BRIX1: variants seen among roughly 807,000 people sequenced by gnomAD.
The protein encoded by BRIX1 is ribosome biogenesis protein BRX1 homolog.
Under a neutral mutation model 44.0 loss-of-function variants are expected in BRIX1, and 15 were observed. That is an observed-to-expected ratio of 0.34 (90% CI 0.23 to 0.53). The LOEUF is 0.53. BRIX1 is among the 20% of genes least tolerant of loss of function. The pLI is 0.95. For missense variants in BRIX1, 420 were observed against 432.8 expected, an observed-to-expected ratio of 0.97 and a Z score of 0.26; for synonymous variants, 149 against 135.4, an observed-to-expected ratio of 1.10 and a Z score of -0.70.
At chr5:34,921,907 C>CAAAA (rs57343458) in intron 3 of BRIX1, 7 of 35,326 alleles carry the variant, frequency 2.0e-4, no homozygotes, top group Admixed American at 2.9e-4. Flanking sequence ...AACTGCATCG[C>CAAAA]AAAAAAAAAA....
In BRIX1 at chr5:34,923,058, A is replaced by G. The variant is rs760169078; in HGVS notation, c.561+7A>G. 2.6e-6 allele frequency: 4 copies of G among 1,559,168 alleles called. No individual in the cohort carries two copies. The South Asian group carries it at 3.4e-5, about 13-fold the overall frequency. ...AAAAGAACTCTTAATTCAGGTAAAT[A>G]TCTTTAAAATTAGCTATCCAAAATA... On this transcript the variant is annotated splice_region_variant and intron_variant, in intron 7 of 9. Coordinates refer to ENST00000336767, the MANE Select transcript of BRIX1 (RefSeq NM_018321.4).
At chr5:34,915,922 C>A in intron 1 of BRIX1, 25 bp downstream of exon 1, 2 of 1,515,154 alleles carry the variant, frequency 1.3e-6, no homozygotes, top group Non-Finnish European at 1.8e-6. Flanking sequence ...CCCCGGGCTA[C>A]ACCTGCGGCG....
Position 34,925,223 on chromosome 5 carries a change from T to TTTTTA in BRIX1, c.793-3_793-2insTTTTA. ...GCATCTAATCTTTTTTTTTTTTTTT[T>TTTTTA]AGCATCGGCGTGTCATAAGATCCAT... On this transcript the variant is annotated splice_region_variant and splice_polypyrimidine_tract_variant and intron_variant, in intron 9 of 9. Transcript: ENST00000336767. 1 of 1,522,540 alleles carries TTTTTA rather than the reference T, an allele frequency of 6.6e-7. No individual in the cohort carries two copies. Among genetic ancestry groups the TTTTTA allele is most frequent in the Non-Finnish European group, 8.8e-7 (1 of 1,137,684 alleles). 94.3% of individuals were successfully genotyped at this position (1,522,540 alleles called of 1,614,324 possible).
chr5:34,922,854 G>A (rs1764270436), intron 6 of BRIX1, 86 bp downstream of exon 6: 6 of 1,354,944 alleles, frequency 4.4e-6, no homozygotes, highest in Non-Finnish European at 6.3e-6. Flanking sequence ...ATTCAATTTA[G>A]TTTCACCCCC....
rs1764365834 is a variant in BRIX1 at position 34,925,789 on chromosome 5, T to C, written c.*294T>C. 7.2e-6 allele frequency: 2 copies of C among 275,924 alleles called. No homozygotes were observed. The highest frequency in any genetic ancestry group is 1.5e-4 in the East Asian group (2 of 13,324). The allele number at this position is 275,924 out of a possible 1,614,324, so 17.1% of individuals were successfully genotyped here. A position where few individuals can be genotyped will look rare whatever the true frequency, so the allele number is the denominator to read the frequency against. ...GTTTAGCAAAGCTGAAATTCAGACA[T>C]TTATTAGGTCATATTATTTGTAAAA... On this transcript the variant is annotated 3_prime_UTR_variant, in exon 10 of 10. Transcript: ENST00000336767.
chr5:34,918,203 G>A (rs939232818), intron 1 of BRIX1, 161 bp from the exon 2 acceptor site: 2 of 460,602 alleles, frequency 4.3e-6, no homozygotes, highest in Non-Finnish European at 7.9e-6. Context: ...TCCAGCTACT[G>A]TAGATGCTGG....
In BRIX1 at chr5:34,922,706, G is replaced by T; in HGVS notation, c.448G>T (p.Ala150Ser). 1 of 1,613,626 alleles carries T rather than the reference G, an allele frequency of 6.2e-7. No individual in the cohort carries two copies. The highest frequency in any genetic ancestry group is 8.5e-7 in the Non-Finnish European group (1 of 1,179,680). ...KFLVQNIHTL[A>S]ELKMTGNCLK... ...TGTAATTTTTCTAGTTCATACCCTCGCTGAACTGAAGATGACTGGAAACTG... is the reference window on the plus strand; with the variant it reads ...TGTAATTTTTCTAGTTCATACCCTCTCTGAACTGAAGATGACTGGAAACTG... The change falls in exon 6 of 10, where the codon GCT (alanine) becomes TCT (serine). Residue 150 changes from alanine (A) to serine (S), a missense_variant. Coordinates refer to ENST00000336767, the MANE Select transcript of BRIX1 (RefSeq NM_018321.4).
At chr5:34,923,807 A>C (rs567160865) in intron 8 of BRIX1, among the ~76,000 whole-genome samples, 1 of 152,168 alleles carries the variant, frequency 6.6e-6, no homozygotes, top group Non-Finnish European at 1.5e-5. Flanking sequence ...CCCTAAAGAG[A>C]TTGCTGCAAG....
rs1228342174 is a variant in BRIX1 at position 34,915,903 on chromosome 5, A to G, written c.159+6A>G. 8 of 1,547,688 alleles carry G rather than the reference A, an allele frequency of 5.2e-6. No homozygotes were observed. In the African/African-American group the frequency reaches 8.2e-5, roughly 16 times the overall value. On this transcript the variant is annotated splice_donor_region_variant and intron_variant, in intron 1 of 9. Transcript: ENST00000336767. Reference sequence around the variant, plus strand: ...TCCCAGGCCCCGTTTGCAAGGTAGGAGGGGATGTCCCCGGGCTACACCTGC... The same window carrying G: ...TCCCAGGCCCCGTTTGCAAGGTAGGGGGGGATGTCCCCGGGCTACACCTGC...
rs753522638 is a variant in BRIX1, at chr5:34,925,485, A to C, written c.1052A>C (p.Lys351Thr). Residue 351 changes from lysine to threonine, a missense_variant, in exon 10 of 10, where the codon AAA becomes ACA. Coordinates refer to ENST00000336767, the MANE Select transcript of BRIX1 (RefSeq NM_018321.4). ...RKMKQRMDSG[K>T]TK ...ATGAAACAGAGGATGGACAGTGGGA[A>C]AACAAAATAAGTCAATGGAAACCTG... 1 of 1,610,026 alleles carries C rather than the reference A, an allele frequency of 6.2e-7. No homozygotes were observed. Among genetic ancestry groups the C allele is most frequent in the South Asian group, 1.1e-5 (1 of 89,974 alleles).
At position 34,925,339 on chromosome 5, in the gene BRIX1, C is replaced by G. The variant is rs1457991147; in HGVS notation, c.906C>G (p.Pro302=). ...CGAAGACTCTTCTTCCACATGATCC[C>G]ACTGCAGATGTTTTTGTAACACCAG... ...KEPKTLLPHD[P]TADVFVTPAE... Residue 302 remains proline (P), a synonymous_variant, in exon 10 of 10, where the codon CCC becomes CCG. Transcript: ENST00000336767. The G allele has an allele frequency of 6.2e-7, 1 of 1,613,860 alleles. No individual in the cohort carries two copies. Among genetic ancestry groups the G allele is most frequent in the East Asian group, 2.2e-5 (1 of 44,854 alleles).
At chr5:34,916,185 G>GT (rs539920788) in intron 1 of BRIX1, 15,621 of 224,784 alleles carry the variant, frequency 0.069, 11 homozygotes, top group Middle Eastern at 0.11. Flanking sequence ...TTGTTCAGTT[G>GT]TTTTTTTTTT....
Position 34,923,164 on chromosome 5 carries a change from G to A in BRIX1, c.593G>A (p.Ser198Asn). 1 of 1,614,076 alleles carries A rather than the reference G, an allele frequency of 6.2e-7. No individual in the cohort carries two copies. Among genetic ancestry groups the A allele is most frequent in the Non-Finnish European group, 8.5e-7 (1 of 1,179,966 alleles). The stretch of plus-strand genomic sequence containing the variant: ...AGTACACCACGGTATCATCCCAAAA[G>A]CCAACCATTTGTGGACCACGTGTTT... The part of the protein sequence containing the change: ...IFSTPRYHPK[S>N]QPFVDHVFTF... Residue 198 changes from serine (S) to asparagine (N), a missense_variant, in exon 8 of 10, where the codon AGC (serine) becomes AAC (asparagine). Ser to Asn is a conservative substitution (Grantham distance 46, BLOSUM62 1). Coordinates refer to ENST00000336767, the MANE Select transcript of BRIX1 (RefSeq NM_018321.4).
intron 3 of BRIX1, chr5:34,920,799 TTATTC>T (rs1433777395): frequency 3.9e-5 from 6 of 152,164 alleles, no homozygotes; most frequent in Admixed American, 6.5e-5. Context: ...ATTTTTGTGT[TTATTC>T]TAAGACCAGT....
At chr5:34,922,914 T>A in intron 6 of BRIX1, 87 bp from the exon 7 acceptor site, 1 of 1,246,640 alleles carries the variant, frequency 8.0e-7, no homozygotes, top group Middle Eastern at 2.1e-4. Context: ...TATAATGAGG[T>A]TATAGCCAAG....
At chr5:34,917,359 C>T (rs773750586) in intron 1 of BRIX1, among the ~76,000 whole-genome samples, 2 of 152,068 alleles carry the variant, frequency 1.3e-5, no homozygotes, top group African/African-American at 2.4e-5. Context: ...AATGGTCCAG[C>T]GTGGTGGCTC....
intron 1 of BRIX1, 154 bp from the exon 2 acceptor site, chr5:34,918,210 C>G: frequency 2.2e-6 from 1 of 454,070 alleles, no homozygotes; most frequent in Non-Finnish European, 4.0e-6. Flanking sequence ...ACTGTAGATG[C>G]TGGGGTGGGA....
At chr5:34,916,000 G>T (rs1280221547) in intron 1 of BRIX1, 103 bp downstream of exon 1, 1 of 1,340,684 alleles carries the variant, frequency 7.5e-7, no homozygotes, top group East Asian at 2.7e-5. Context: ...AGAGTAGCCC[G>T]GGTGTTAACG....
Position 34,924,843 on chromosome 5 carries a change from A to G in BRIX1, c.664-4A>G. ...CAAAATGAAATGTTTCCTTTTTATTAAAGATCATAGAAGAAGATGCTGCTC... is the reference window on the plus strand; with the variant it reads ...CAAAATGAAATGTTTCCTTTTTATTGAAGATCATAGAAGAAGATGCTGCTC... On this transcript the variant is annotated splice_polypyrimidine_tract_variant and splice_region_variant and intron_variant, in intron 8 of 9. Coordinates refer to ENST00000336767, the MANE Select transcript of BRIX1 (RefSeq NM_018321.4). 6.3e-7 allele frequency: 1 copy of G among 1,591,026 alleles called. No individual in the cohort carries two copies. The highest frequency in any genetic ancestry group is 8.6e-7 in the Non-Finnish European group (1 of 1,160,490).
Sources: allele counts gnomAD v4.1 joint callset (sites outside exome capture counted in the v4.1 genomes callset), GRCh38; gene constraint gnomAD v4.1.1; transcripts MANE v1.5; gene names NCBI Gene and HGNC (gene_info 2026-07-23, HGNC 2026-07-21).